Variants in PRKG1 observed in about 807,000 individuals in gnomAD.
PRKG1 encodes protein kinase cGMP-dependent 1.
PRKG1 carries 35 observed loss-of-function variants against 88.1 expected under a neutral mutation model. That is an observed-to-expected ratio of 0.40 (90% confidence interval 0.30 to 0.53). The LOEUF (loss-of-function observed/expected upper bound fraction) is 0.53. Among genes scored for constraint, PRKG1 ranks in the 20% least tolerant of loss-of-function variants. The probability of loss-of-function intolerance (pLI) is 0.59; values close to 1 mark genes in which losing one functional copy is unlikely to be tolerated. For missense variants in PRKG1, 540 were observed against 839.8 expected, an observed-to-expected ratio of 0.64 and a Z score of 4.41; for synonymous variants, 303 against 292.5, an observed-to-expected ratio of 1.04 and a Z score of -0.37.
At chr10:51,095,628 C>T (rs575515902) in intron 1 of PRKG1, among the ~76,000 whole-genome samples, 32 of 152,228 alleles carry the variant, frequency 2.1e-4, no homozygotes, top group African/African-American at 7.0e-4. Context: ...GCAGCCAGAC[C>T]GCGTGCCCAG....
intron 7 of PRKG1, among the ~76,000 whole-genome samples, chr10:52,090,663 A>G (rs1010242106): frequency 6.6e-6 from 1 of 152,336 alleles, no homozygotes; most frequent in East Asian, 1.9e-4. Flanking sequence ...GTTAATTACC[A>G]TAGTCCTTCT....
rs369706979 is a variant in PRKG1, at chr10:51,654,861, G to A, written c.593-149724G>A. Among the ~76,000 whole-genome samples, 10 of 152,238 alleles carry A rather than the reference G, an allele frequency of 6.6e-5. No individual in the cohort carries two copies. In the South Asian group the frequency reaches 1.7e-3, roughly 25 times the overall value. On this transcript the variant is annotated intron_variant, in intron 3 of 17. Coordinates refer to ENST00000373980, the MANE Select transcript of PRKG1 (RefSeq NM_006258.4). ...ATTTCTCTGCACATTTTAAGCATGAGGAAGCTGACAGTGTACACAAATACC... is the reference window on the plus strand; with the variant it reads ...ATTTCTCTGCACATTTTAAGCATGAAGAAGCTGACAGTGTACACAAATACC...
intron 3 of PRKG1, among the ~76,000 whole-genome samples, chr10:51,564,422 A>T (rs1837549916): frequency 6.6e-6 from 1 of 152,086 alleles, no homozygotes; most frequent in Non-Finnish European, 1.5e-5. Context: ...TCAGGGATGT[A>T]TCACTGAAGA....
At chr10:51,842,633 C>T (rs778552625) in intron 4 of PRKG1, among the ~76,000 whole-genome samples, 4 of 152,130 alleles carry the variant, frequency 2.6e-5, no homozygotes, top group Non-Finnish European at 5.9e-5. Context: ...TTTGATATTG[C>T]CACTAGAATT....
intron 2 of PRKG1, among the ~76,000 whole-genome samples, chr10:51,186,708 G>A (rs1014384036): frequency 2.2e-4 from 33 of 151,288 alleles, no homozygotes; most frequent in Non-Finnish European, 2.5e-4. Context: ...CTACTTCTAC[G>A]GTCAATTATA....
rs1046908710 is a variant in PRKG1, at chr10:52,259,055, G to A, written c.1173+7389G>A. Reference sequence around the variant, plus strand: ...AGTGAATTACTGTGGGAGGAGCAGAGAGAAATATTAGATAGCTGATCAGTA... The same window carrying A: ...AGTGAATTACTGTGGGAGGAGCAGAAAGAAATATTAGATAGCTGATCAGTA... On this transcript the variant is annotated intron_variant, in intron 10 of 17. Coordinates refer to ENST00000373980, the MANE Select transcript of PRKG1 (RefSeq NM_006258.4). 4.0e-5 allele frequency among the ~76,000 whole-genome samples: 6 copies of A among 149,838 alleles called. No homozygotes were observed. The East Asian group carries it at 9.8e-4, about 25-fold the overall frequency.
Position 51,415,618 on chromosome 10 carries a change from A to T in PRKG1, c.479-52105A>T, listed in dbSNP as rs558629735. ...CAGGCAGAAAAGGATTATTGATCAC[A>T]ATTTATCTAATAGCCAGTTCTTGAA... On this transcript the variant is annotated intron_variant, in intron 2 of 17. Transcript: ENST00000373980. Among the ~76,000 whole-genome samples the T allele has an allele frequency of 9.2e-5, 14 of 152,248 alleles. No individual in the cohort carries two copies. The East Asian group carries it at 2.3e-3, about 25-fold the overall frequency.
chr10:51,200,527 T>C (rs1837886805), intron 2 of PRKG1, among the ~76,000 whole-genome samples: 1 of 152,210 alleles, frequency 6.6e-6, no homozygotes, highest in Non-Finnish European at 1.5e-5. Flanking sequence ...TATCAGTACA[T>C]TTATTGTCTC....
chr10:52,175,112 T>G (rs1044550304), intron 9 of PRKG1, among the ~76,000 whole-genome samples: 3 of 152,092 alleles, frequency 2.0e-5, no homozygotes, highest in Non-Finnish European at 4.4e-5. Flanking sequence ...TCTGTGTCCT[T>G]TAACAACTCT....
At chr10:51,489,895 A>G (rs531136556) in intron 3 of PRKG1, among the ~76,000 whole-genome samples, 5 of 152,280 alleles carry the variant, frequency 3.3e-5, no homozygotes, top group African/African-American at 1.2e-4. Context: ...AGAATGTTCT[A>G]TGACCTGTTT....
chr10:51,611,091 G>A (rs1349931856), intron 3 of PRKG1, among the ~76,000 whole-genome samples: 1 of 151,738 alleles, frequency 6.6e-6, no homozygotes, highest in African/African-American at 2.4e-5. Context: ...AAACATAGAC[G>A]TTTATGTGTG....
At chr10:52,025,920 C>T (rs1845324240) in intron 5 of PRKG1, among the ~76,000 whole-genome samples, 1 of 151,486 alleles carries the variant, frequency 6.6e-6, no homozygotes, top group South Asian at 2.1e-4. Flanking sequence ...TCAAACTATA[C>T]TACAAGGCTA....
intron 3 of PRKG1, among the ~76,000 whole-genome samples, chr10:51,677,434 C>T (rs1452184744): frequency 2.0e-5 from 3 of 152,128 alleles, no homozygotes; most frequent in Admixed American, 2.0e-4. Context: ...TCAGCTGTCC[C>T]TATTTTACAA....
chr10:52,057,253 AAG>A (rs1846132884), intron 6 of PRKG1, among the ~76,000 whole-genome samples: 1 of 152,176 alleles, frequency 6.6e-6, no homozygotes, highest in African/African-American at 2.4e-5. Context: ...CATTCACACA[AAG>A]AGAGAAGCAT....
chr10:51,958,116 A>G (rs1158835099), intron 5 of PRKG1, among the ~76,000 whole-genome samples: 1 of 152,176 alleles, frequency 6.6e-6, no homozygotes, highest in Non-Finnish European at 1.5e-5. Context: ...AGCTTTGACT[A>G]GAGCAGATGT....
At chr10:51,457,221 A>G (rs1039180140) in intron 2 of PRKG1, among the ~76,000 whole-genome samples, 11 of 152,348 alleles carry the variant, frequency 7.2e-5, no homozygotes, top group African/African-American at 2.4e-4. Flanking sequence ...TGTAGTATAT[A>G]TACACTATGG....
At chr10:52,062,143 G>A (rs1846251455) in intron 6 of PRKG1, among the ~76,000 whole-genome samples, 2 of 152,056 alleles carry the variant, frequency 1.3e-5, no homozygotes, top group Admixed American at 6.6e-5. Flanking sequence ...GTTGCAGAAT[G>A]AGGAATACTA....
intron 3 of PRKG1, among the ~76,000 whole-genome samples, chr10:51,760,426 C>T (rs1837986898): frequency 6.6e-6 from 1 of 151,924 alleles, no homozygotes; most frequent in African/African-American, 2.4e-5. Context: ...AGTTTTGCTT[C>T]CCTGTGACCA....
intron 2 of PRKG1, among the ~76,000 whole-genome samples, chr10:51,176,351 A>G (rs1049687747): frequency 2.0e-5 from 3 of 152,118 alleles, no homozygotes; most frequent in Non-Finnish European, 4.4e-5. Flanking sequence ...GCAGAGGGTC[A>G]AATTTCAACT....
Sources: gnomAD v4.1 joint callset for allele counts (sites outside exome capture counted in the v4.1 genomes callset) on GRCh38, gnomAD v4.1.1 for gene constraint, MANE v1.5 for transcripts, NCBI Gene and HGNC (gene_info 2026-07-23, HGNC 2026-07-21) for gene names.